Variants in EML4 observed in about 807,000 individuals in gnomAD.
EML4 encodes echinoderm microtubule-associated protein-like 4.
In EML4, 72 loss-of-function variants were observed where a neutral mutation model predicts 129.0. The ratio of observed to expected loss-of-function variants is 0.56; its 90% CI spans 0.46 to 0.68. The LOEUF (loss-of-function observed/expected upper bound fraction) is 0.68, where lower values mean the gene tolerates loss of function less well. Among genes scored for constraint, EML4 ranks in the 30% least tolerant of loss-of-function variants. EML4 has a pLI of 0.00. For missense variants in EML4, 1,363 were observed against 1,190.6 expected, an observed-to-expected ratio of 1.14 and a Z score of -2.13; for synonymous variants, 532 against 405.0, an observed-to-expected ratio of 1.31 and a Z score of -3.77.
At chr2:42,306,692 CAG>C (rs1668627360) in intron 17 of EML4, among the ~76,000 whole-genome samples, 1 of 149,786 alleles carries the variant, frequency 6.7e-6, no homozygotes, top group South Asian at 2.1e-4. Context: ...TTAGTAGAGA[CAG>C]AGTTTCACCG....
chr2:42,316,390 T>G (rs1315807084), intron 18 of EML4, among the ~76,000 whole-genome samples: 1 of 152,200 alleles, frequency 6.6e-6, no homozygotes, highest in African/African-American at 2.4e-5. Flanking sequence ...TAGCAAGCTT[T>G]TCTTTATTTA....
intron 8 of EML4, among the ~76,000 whole-genome samples, chr2:42,283,213 T>C (rs1362239494): frequency 3.3e-5 from 5 of 152,226 alleles, no homozygotes; most frequent in African/African-American, 7.2e-5. Flanking sequence ...CTCTTCTGCT[T>C]TCTCATGTCG....
intron 1 of EML4, among the ~76,000 whole-genome samples, chr2:42,229,463 T>C (rs1674182339): frequency 6.6e-6 from 1 of 152,190 alleles, no homozygotes; most frequent in African/African-American, 2.4e-5. Context: ...GAACTTTGTA[T>C]TCCAGGAACA....
intron 1 of EML4, among the ~76,000 whole-genome samples, chr2:42,194,780 G>C (rs1025793916): frequency 7.9e-5 from 12 of 152,074 alleles, no homozygotes; most frequent in African/African-American, 2.7e-4. Flanking sequence ...TAAAGTGCTG[G>C]GATTACAGGA....
At chr2:42,211,352 G>T (rs1174672356) in intron 1 of EML4, among the ~76,000 whole-genome samples, 1 of 152,188 alleles carries the variant, frequency 6.6e-6, no homozygotes, top group African/African-American at 2.4e-5. Context: ...ACTTCTTAGA[G>T]GTTAAACCCA....
intron 1 of EML4, among the ~76,000 whole-genome samples, chr2:42,232,873 C>T (rs546591397): frequency 7.6e-4 from 116 of 152,184 alleles, no homozygotes; most frequent in African/African-American, 2.5e-3. Flanking sequence ...TACAGGCGCC[C>T]GCCACAACGC....
chr2:42,206,277 A>C (rs959687932), intron 1 of EML4, among the ~76,000 whole-genome samples: 6 of 152,096 alleles, frequency 3.9e-5, no homozygotes, highest in Non-Finnish European at 7.4e-5. Context: ...GCAGTGGCAT[A>C]ATTGTAGCTT....
chr2:42,244,856 G>C (rs1558535055), intron 1 of EML4, among the ~76,000 whole-genome samples: 1 of 151,988 alleles, frequency 6.6e-6, no homozygotes, highest in Non-Finnish European at 1.5e-5. Flanking sequence ...TGCTGTCTTG[G>C]AAGTTTCCTG....
intron 1 of EML4, among the ~76,000 whole-genome samples, chr2:42,175,326 G>A (rs902745917): frequency 2.4e-4 from 37 of 151,032 alleles, no homozygotes; most frequent in African/African-American, 8.8e-4. Context: ...TGTTAGCCAG[G>A]ATGGTTGTGA....
In EML4 at chr2:42,199,313, C is replaced by T. The variant is rs1247815969; in HGVS notation, c.25+29677C>T. ...TAAGGAGGAGAGCAGCTAGGATGTT[C>T]ACGTGGATTGGAATTTGCCCAGGCT... On this transcript the variant is annotated intron_variant, in intron 1 of 22. Transcript: ENST00000318522. Among the ~76,000 whole-genome samples, 8 of 152,120 alleles carry T rather than the reference C, an allele frequency of 5.3e-5. 1 individual carries two copies. Among genetic ancestry groups the T allele is most frequent in the Admixed American group, 2.0e-4 (3 of 15,258 alleles).
rs147871000 is a variant in EML4, at chr2:42,218,033, C to T, written c.26-27472C>T. ...GGCTGTAGAACAGGGGTCCCCAACC[C>T]TCCGGGCCACAGACTGGTAGGAACT... On this transcript the variant is annotated intron_variant, in intron 1 of 22. Transcript: ENST00000318522. 8.8e-3 allele frequency among the ~76,000 whole-genome samples: 1,338 copies of T among 152,230 alleles called. 20 individuals are homozygous for T. Among genetic ancestry groups the T allele is most frequent in the African/African-American group, 0.03 (1,266 of 41,520 alleles).
chr2:42,223,567 T>G (rs1222812387), intron 1 of EML4, among the ~76,000 whole-genome samples: 1 of 152,128 alleles, frequency 6.6e-6, no homozygotes, highest in Non-Finnish European at 1.5e-5. Context: ...CAGGTCATCT[T>G]TCTTCTCCTT....
At chr2:42,177,750 C>G (rs1393499588) in intron 1 of EML4, among the ~76,000 whole-genome samples, 2 of 152,136 alleles carry the variant, frequency 1.3e-5, no homozygotes, top group Admixed American at 6.5e-5. Flanking sequence ...AGGGTATTTT[C>G]AAGTACAAGT....
At chr2:42,261,026 A>T in intron 3 of EML4, 95 bp from the exon 4 acceptor site, 1 of 918,408 alleles carries the variant, frequency 1.1e-6, no homozygotes, top group Non-Finnish European at 1.6e-6. Flanking sequence ...TGTATGACTT[A>T]GGGTTTTGAA....
At chr2:42,281,189 C>G (rs1226487620) in intron 7 of EML4, among the ~76,000 whole-genome samples, 5 of 152,008 alleles carry the variant, frequency 3.3e-5, no homozygotes, top group African/African-American at 9.7e-5. Flanking sequence ...GTCAGTAGTT[C>G]AAGACCAGCC....
At chr2:42,221,462 C>T (rs1044341557) in intron 1 of EML4, among the ~76,000 whole-genome samples, 23 of 140,210 alleles carry the variant, frequency 1.6e-4, no homozygotes, top group East Asian at 4.2e-4. Context: ...CAGGCTAGAG[C>T]GCAGTAGTGC....
At chr2:42,181,839 G>C (rs753760170) in intron 1 of EML4, among the ~76,000 whole-genome samples, 1 of 152,096 alleles carries the variant, frequency 6.6e-6, no homozygotes, top group African/African-American at 2.4e-5. Context: ...TTCTTTTATG[G>C]AGAAAGGTAT....
At position 42,301,238 on chromosome 2, in the gene EML4, T is replaced by C. The variant is rs1360777924; in HGVS notation, c.1490-3T>C. The C allele has an allele frequency of 6.2e-7, 1 of 1,606,018 alleles. No homozygotes were observed. The highest frequency in any genetic ancestry group is 8.5e-7 in the Non-Finnish European group (1 of 1,177,048). ...TAGTGTTTTTATTTTTCCCTCATAT[T>C]AGGTGTATATCAAATCAGCAAACAA... is the stretch of plus-strand genomic sequence containing the variant. On this transcript the variant is annotated splice_polypyrimidine_tract_variant and splice_region_variant and intron_variant, in intron 13 of 22. Transcript: ENST00000318522.
rs1558557159 is a variant in EML4, at chr2:42,266,395, G to C, written c.667+1664G>C. Among the ~76,000 whole-genome samples the C allele has an allele frequency of 2.0e-5, 3 of 152,162 alleles. No individual in the cohort carries two copies. In the South Asian group the frequency reaches 6.2e-4, roughly 32 times the overall value. On this transcript the variant is annotated intron_variant, in intron 6 of 22. Coordinates refer to ENST00000318522, the MANE Select transcript of EML4 (RefSeq NM_019063.5). Reference sequence around the variant, plus strand: ...AGGGTCTTGCTCTGTTGCCCCGGCTGGAGTGCAGTCACTGCCTTGGCTCAC... The same window carrying C: ...AGGGTCTTGCTCTGTTGCCCCGGCTCGAGTGCAGTCACTGCCTTGGCTCAC...
Sources: allele counts gnomAD v4.1 joint callset (sites outside exome capture counted in the v4.1 genomes callset), GRCh38; gene constraint gnomAD v4.1.1; transcripts MANE v1.5; gene names NCBI Gene and HGNC (gene_info 2026-07-23, HGNC 2026-07-21).